Variants in ZZEF1 observed in about 807,000 individuals in gnomAD.
ZZEF1 encodes the protein zinc finger ZZ-type and EF-hand domain-containing protein 1.
ZZEF1 carries 157 observed loss-of-function variants against 342.8 expected under a neutral mutation model. That is an observed-to-expected ratio of 0.46 (90% CI 0.40 to 0.52). The LOEUF is 0.52. Ranked by LOEUF, ZZEF1 falls within the 20% of genes least tolerant of loss-of-function variation. ZZEF1 has a pLI of 0.00. For synonymous variants in ZZEF1, 1,505 were observed against 1,429.1 expected (o/e 1.05, Z -1.20); for missense variants, 3,480 against 3,725.6 (o/e 0.93, Z 1.72).
chr17:4,019,156 A>G lies in ZZEF1; in HGVS notation c.7505+513T>C, dbSNP rs149686619. The stretch of plus-strand genomic sequence containing the variant: ...AAAGAGAAACACGAAACACAAAATA[A>G]AAGAAAAATTAAATGAGAATTTACA... On this transcript the variant is annotated intron_variant, in intron 46 of 54. Transcript: ENST00000381638. Among the ~76,000 whole-genome samples, 16 of 152,248 alleles carry G rather than the reference A, an allele frequency of 1.1e-4. 1 individual carries two copies. The highest frequency in any genetic ancestry group is 3.9e-4 in the African/African-American group (16 of 41,478).
Position 4,032,879 on chromosome 17 carries a change from C to T in ZZEF1, c.6708G>A (p.Gln2236=). 2 of 1,614,154 alleles carry T rather than the reference C, an allele frequency of 1.2e-6. No homozygotes were observed. The highest frequency in any genetic ancestry group is 2.2e-5 in the East Asian group (1 of 44,874). ...TDHCIKQLPF[Q]LKHTNIFTLL... Reference sequence around the variant, plus strand: ...GGGTGAAGATGTTGGTGTGCTTCAGCTGGAATGGCAGCTGCTTGATGCAGT... The same window carrying T: ...GGGTGAAGATGTTGGTGTGCTTCAGTTGGAATGGCAGCTGCTTGATGCAGT... Residue 2236 remains glutamine (Q), a synonymous_variant, in exon 41 of 55, where the codon CAG becomes CAA. Coordinates refer to ENST00000381638, the MANE Select transcript of ZZEF1 (RefSeq NM_015113.4).
At chr17:4,120,358 G>GAAA (rs879317172) in intron 2 of ZZEF1, among the ~76,000 whole-genome samples, 1 of 132,168 alleles carries the variant, frequency 7.6e-6, no homozygotes, top group Non-Finnish European at 1.6e-5. Flanking sequence ...TTCCGTCTCA[G>GAAA]AAAAAAAAAA....
chr17:4,057,131 GC>G (rs1293918517), intron 32 of ZZEF1, among the ~76,000 whole-genome samples: 1 of 152,232 alleles, frequency 6.6e-6, no homozygotes, highest in East Asian at 1.9e-4. Flanking sequence ...ACGGGGGCTT[GC>G]TGTAAAGGGC....
chr17:4,085,825 T>A, intron 15 of ZZEF1, 22 bp from the exon 16 acceptor site: 1 of 1,613,206 alleles, frequency 6.2e-7, no homozygotes, highest in Non-Finnish European at 8.5e-7. Context: ...AACAATGGCA[T>A]CAGCTTTCAT....
chr17:4,108,900 C>T (rs377624605), intron 6 of ZZEF1, among the ~76,000 whole-genome samples: 10 of 152,150 alleles, frequency 6.6e-5, no homozygotes, highest in African/African-American at 2.4e-4. Context: ...CAAAAGATGT[C>T]TAGAGAACAA....
rs771255384 is a variant in ZZEF1 at position 4,078,604 on chromosome 17, G to A, written c.2830-562C>T. ...ACACAAGCTTCGGGATGATGGTTAC[G>A]CCTGGCAAGGCAGGAAGAGAGTGAG... On this transcript the variant is annotated intron_variant, in intron 18 of 54. Transcript: ENST00000381638. Among the ~76,000 whole-genome samples the A allele has an allele frequency of 3.7e-4, 56 of 152,348 alleles. 1 individual carries two copies. The highest frequency in any genetic ancestry group is 1.2e-3 in the South Asian group (6 of 4,832).
chr17:4,097,554 T>C (rs1428533263), intron 9 of ZZEF1, among the ~76,000 whole-genome samples: 7 of 151,798 alleles, frequency 4.6e-5, no homozygotes, highest in Admixed American at 2.6e-4. Context: ...CTGCCTTTTA[T>C]GGTCTCTAAA....
chr17:4,112,084 ATATATATATGTTTTG>A (rs2058319011), intron 5 of ZZEF1, among the ~76,000 whole-genome samples: 1 of 48,324 alleles, frequency 2.1e-5, no homozygotes, highest in Non-Finnish European at 3.9e-5. Flanking sequence ...ATATATATAT[ATATATATATGTTTTG>A]TTTTGTTTTT....
At chr17:4,077,836 A>G (rs765818871) in intron 19 of ZZEF1, 47 bp downstream of exon 19, 1 of 1,599,958 alleles carries the variant, frequency 6.3e-7, no homozygotes, top group Non-Finnish European at 8.5e-7. Flanking sequence ...ACTCAGAGTC[A>G]AAACCCAAAC....
intron 29 of ZZEF1, among the ~76,000 whole-genome samples, 189 bp from the exon 30 acceptor site, chr17:4,063,106 A>G (rs1188986847): frequency 6.6e-6 from 1 of 152,224 alleles, no homozygotes; most frequent in East Asian, 1.9e-4. Flanking sequence ...CAGCACTACA[A>G]ATCAGTTCAT....
chr17:4,050,887 C>T lies in ZZEF1; in HGVS notation c.5757G>A (p.Val1919=). Residue 1919 remains valine (V), a synonymous_variant, in exon 36 of 55, where the codon GTG becomes GTA. Transcript: ENST00000381638. ...TCTGGGGGTCCAGCTTCTCCCCATC[C>T]ACATCCTCTGCACTGGCCAGGTGGG... is the stretch of plus-strand genomic sequence containing the variant. The part of the protein sequence containing the change: ...YSAHLASAED[V]DGEKLDPQTR... The T allele has an allele frequency of 6.2e-7, 1 of 1,614,220 alleles. No homozygotes were observed. Among genetic ancestry groups the T allele is most frequent in the South Asian group, 1.1e-5 (1 of 91,090 alleles).
chr17:4,008,651 A>G lies in ZZEF1; in HGVS notation c.8805+232T>C. ...TAAGGCATCGGTTGTTTTGGTTTTA[A>G]AGACACAAATTCTTCTGACCCCACA... On this transcript the variant is annotated intron_variant, in intron 54 of 54. Transcript: ENST00000381638. This position sits in a 1 kb window ranked among gnomAD's most constrained non-coding sequence, Gnocchi z 4.2. 1.6e-6 allele frequency: 2 copies of G among 1,238,550 alleles called. No homozygotes were observed. The highest frequency in any genetic ancestry group is 2.0e-6 in the Non-Finnish European group (2 of 989,288). The allele number at this position is 1,238,550 out of a possible 1,614,324, so 76.7% of individuals were successfully genotyped here. A position where few individuals can be genotyped will look rare whatever the true frequency, so the allele number is the denominator to read the frequency against.
At chr17:4,055,652 A>G (rs755326993) in intron 33 of ZZEF1, among the ~76,000 whole-genome samples, 1 of 152,204 alleles carries the variant, frequency 6.6e-6, no homozygotes, top group Non-Finnish European at 1.5e-5. Flanking sequence ...CTCACTGTAA[A>G]TTAGTAAACT....
chr17:4,132,272 C>T (rs1299560072), intron 1 of ZZEF1, among the ~76,000 whole-genome samples: 1 of 151,160 alleles, frequency 6.6e-6, no homozygotes. Flanking sequence ...CAACCTCGGC[C>T]TCCAGAGTTC....
intron 1 of ZZEF1, among the ~76,000 whole-genome samples, chr17:4,134,043 T>C (rs939085637): frequency 6.6e-6 from 1 of 152,162 alleles, no homozygotes; most frequent in African/African-American, 2.4e-5. Context: ...GATTCATCAA[T>C]AGTTAATGAA....
chr17:4,016,295 T>C lies in ZZEF1; in HGVS notation c.8145+28A>G. ...CGAGGTCTCTGCGGCTCAGTCGCTC[T>C]TATGGGGCCTGCCGGCCCCAGGCTT... On this transcript the variant is annotated intron_variant, in intron 49 of 54. Transcript: ENST00000381638. This position sits in a 1 kb window ranked among gnomAD's most constrained non-coding sequence, Gnocchi z 4.4. 1 of 1,600,212 alleles carries C rather than the reference T, an allele frequency of 6.2e-7. No individual in the cohort carries two copies. Among genetic ancestry groups the C allele is most frequent in the Non-Finnish European group, 8.5e-7 (1 of 1,175,406 alleles).
rs74476259 is a variant in ZZEF1, at chr17:4,135,342, G to A, written c.354+7200C>T. Among the ~76,000 whole-genome samples, 164 of 152,274 alleles carry A rather than the reference G, an allele frequency of 1.1e-3. 3 individuals carry two copies. The East Asian group carries it at 0.031, about 29-fold the overall frequency. ...AACAAAAAAATTAGCCTGGCGTAGTGAGGGGCACCTGTAGTCCCAGCTACT... is the reference window on the plus strand; with the variant it reads ...AACAAAAAAATTAGCCTGGCGTAGTAAGGGGCACCTGTAGTCCCAGCTACT... On this transcript the variant is annotated intron_variant, in intron 1 of 54. Transcript: ENST00000381638.
At position 4,032,872 on chromosome 17, in the gene ZZEF1, G is replaced by C. The variant is rs773782307; in HGVS notation, c.6715C>G (p.His2239Asp). ...CIKQLPFQLK[H>D]TNIFTLLVLV... is the part of the protein sequence containing the mutation. ...ACGAGCAGGGTGAAGATGTTGGTGT[G>C]CTTCAGCTGGAATGGCAGCTGCTTG... Residue 2239 changes from histidine (H) to aspartate (D), a missense_variant, in exon 41 of 55, where the codon CAC (histidine) becomes GAC (aspartate). Transcript: ENST00000381638. 4.3e-6 allele frequency: 7 copies of C among 1,614,196 alleles called. No homozygotes were observed. The Admixed American group carries it at 1.2e-4, about 27-fold the overall frequency.
Position 4,085,704 on chromosome 17 carries a change from C to G in ZZEF1, c.2612G>C (p.Arg871Pro). 1 of 1,614,134 alleles carries G rather than the reference C, an allele frequency of 6.2e-7. No individual in the cohort carries two copies. Among genetic ancestry groups the G allele is most frequent in the South Asian group, 1.1e-5 (1 of 91,076 alleles). The change falls in exon 16 of 55, where the codon CGA (arginine) becomes CCA (proline). Residue 871 changes from arginine to proline, a missense_variant. This residue lies in a region of ZZEF1 where 1,528 missense variants were observed against 1,624.1 expected (regional missense o/e 0.94). Coordinates refer to ENST00000381638, the MANE Select transcript of ZZEF1 (RefSeq NM_015113.4). ...LNGAAIFFPN[R>P]QTRRNHLFTM... ...GAAGAGATGGTTCCGTCGGGTCTGT[C>G]GATTAGGAAAGAAGATGGCAGCCCC...
Sources: gnomAD v4.1 joint callset for allele counts (sites outside exome capture counted in the v4.1 genomes callset) on GRCh38, gnomAD v4.1.1 for gene constraint, gnomAD v4.1.1 regional missense constraint, Gnocchi (gnomAD v3.1) non-coding constraint, MANE v1.5 for transcripts, NCBI Gene and HGNC (gene_info 2026-07-23, HGNC 2026-07-21) for gene names.